Variants in LRRC8A observed in about 807,000 individuals in gnomAD.
LRRC8A encodes leucine rich repeat containing 8 VRAC subunit A.
LRRC8A carries 24 observed loss-of-function variants against 52.5 expected under a neutral mutation model. The ratio of observed to expected loss-of-function variants is 0.46; its 90% CI spans 0.33 to 0.64. The LOEUF is 0.64. Among genes scored for constraint, LRRC8A ranks in the 30% least tolerant of loss-of-function variants. LRRC8A has a pLI of 0.02. For missense variants in LRRC8A, 677 were observed against 1,094.7 expected (o/e 0.62, Z 5.38); for synonymous variants, 492 against 494.2 (o/e 1.00, Z 0.06).
intron 2 of LRRC8A, among the ~76,000 whole-genome samples, chr9:128,895,198 A>G (rs1189744455): frequency 6.6e-6 from 1 of 152,162 alleles, no homozygotes; most frequent in Non-Finnish European, 1.5e-5. Context: ...ATACACATCT[A>G]CAAGGAAGGT....
chr9:128,885,175 G>A (rs1839342612), intron 1 of LRRC8A: 1 of 152,264 alleles, frequency 6.6e-6, no homozygotes, highest in Non-Finnish European at 1.5e-5. Context: ...ACAGTGTCTG[G>A]CGCATATGGA....
chr9:128,907,991 T>C lies in LRRC8A; in HGVS notation c.827T>C (p.Ile276Thr), dbSNP rs1275434183. The C allele has an allele frequency of 6.2e-7, 1 of 1,613,922 alleles. No individual in the cohort carries two copies. Among genetic ancestry groups the C allele is most frequent in the Non-Finnish European group, 8.5e-7 (1 of 1,180,010 alleles). The change falls in exon 3 of 4, where the codon ATC becomes ACC. Residue 276 changes from isoleucine to threonine, a missense_variant. Coordinates refer to ENST00000372600, the MANE Select transcript of LRRC8A (RefSeq NM_019594.4). The surrounding 1 kb of genome is among the most constrained non-coding windows in gnomAD (Gnocchi z 9.3). ...RQTIIKVIKF[I>T]LIICYTVYYV... ...ACCATCATCAAGGTGATCAAGTTCATCCTCATCATCTGCTACACCGTCTAC... is the reference window on the plus strand; with the variant it reads ...ACCATCATCAAGGTGATCAAGTTCACCCTCATCATCTGCTACACCGTCTAC...
chr9:128,904,767 G>A (rs1258225180), intron 2 of LRRC8A, among the ~76,000 whole-genome samples: 1 of 151,926 alleles, frequency 6.6e-6, no homozygotes, highest in Admixed American at 6.6e-5. Flanking sequence ...GGCCAAGGCG[G>A]GCGGATCACA....
chr9:128,902,079 A>C lies in LRRC8A; in HGVS notation c.-8-5078A>C, dbSNP rs565758028. 6.6e-6 allele frequency among the ~76,000 whole-genome samples: 1 copy of C among 152,316 alleles called. No homozygotes were observed. Among genetic ancestry groups the C allele is most frequent in the African/African-American group, 2.4e-5 (1 of 41,588 alleles). The stretch of plus-strand genomic sequence containing the variant: ...CCAGGCCTGTGAGAGACTCCAGTCC[A>C]GGCCCTTCTCAGCTCTGCAGCCAGC... On this transcript the variant is annotated intron_variant, in intron 2 of 3. Transcript: ENST00000372600. The surrounding 1 kb of genome is among the most constrained non-coding windows in gnomAD (Gnocchi z 4.1).
In LRRC8A at chr9:128,909,200, C is replaced by A; in HGVS notation, c.2036C>A (p.Thr679Asn). 1 of 1,614,194 alleles carries A rather than the reference C, an allele frequency of 6.2e-7. No individual in the cohort carries two copies. The highest frequency in any genetic ancestry group is 1.3e-5 in the African/African-American group (1 of 75,058). ...LNRNKIEKIPTQLFYCRKLRY... is the reference protein window; with the variant it reads ...LNRNKIEKIPNQLFYCRKLRY... ...CGCAACAAGATCGAGAAGATCCCCACCCAGCTCTTCTACTGCCGCAAGCTG... is the reference window on the plus strand; with the variant it reads ...CGCAACAAGATCGAGAAGATCCCCAACCAGCTCTTCTACTGCCGCAAGCTG... Residue 679 changes from threonine (T) to asparagine (N), a missense_variant, in exon 3 of 4, where the codon ACC (threonine) becomes AAC (asparagine). By Grantham distance (65) the Thr-to-Asn change is moderately conservative. Coordinates refer to ENST00000372600, the MANE Select transcript of LRRC8A (RefSeq NM_019594.4).
intron 3 of LRRC8A, among the ~76,000 whole-genome samples, chr9:128,914,939 T>C (rs1172537481): frequency 6.6e-6 from 1 of 152,110 alleles, no homozygotes; most frequent in African/African-American, 2.4e-5. Flanking sequence ...GTGTGGACGG[T>C]TCACCAGAGC....
chr9:128,912,504 T>TG (rs577475761), intron 3 of LRRC8A, among the ~76,000 whole-genome samples: 96,993 of 105,600 alleles, frequency 0.92, 44,883 homozygotes, highest in Non-Finnish European at 0.99. Context: ...GGTGGGGCTA[T>TG]GGGGGGGGGT....
intron 2 of LRRC8A, among the ~76,000 whole-genome samples, chr9:128,896,344 A>AT (rs1460085219): frequency 6.6e-6 from 1 of 152,266 alleles, no homozygotes; most frequent in East Asian, 1.9e-4. Flanking sequence ...GTCATTTCTG[A>AT]TTTTTTGCTA....
At chr9:128,901,065 C>CCAGAGG (rs1219182088) in intron 2 of LRRC8A, among the ~76,000 whole-genome samples, 2 of 152,120 alleles carry the variant, frequency 1.3e-5, no homozygotes, top group Admixed American at 1.3e-4. Context: ...CCCAGCTACT[C>CCAGAGG]CAGAGGCAGA....
chr9:128,908,532 C>A lies in LRRC8A; in HGVS notation c.1368C>A (p.Ile456=). 1 of 1,612,860 alleles carries A rather than the reference C, an allele frequency of 6.2e-7. No homozygotes were observed. The highest frequency in any genetic ancestry group is 1.1e-5 in the South Asian group (1 of 91,054). Residue 456 remains isoleucine (I), a synonymous_variant, in exon 3 of 4, where the codon ATC becomes ATA. Transcript: ENST00000372600. The part of the protein sequence containing the change: ...VELEVLKLEL[I]PDVTIPPSIA... Reference sequence around the variant, plus strand: ...TGGAGGTCCTCAAGCTGGAGCTGATCCCCGACGTGACCATCCCGCCCAGCA... The same window carrying A: ...TGGAGGTCCTCAAGCTGGAGCTGATACCCGACGTGACCATCCCGCCCAGCA...
At chr9:128,903,664 T>C (rs371274049) in intron 2 of LRRC8A, among the ~76,000 whole-genome samples, 7 of 151,648 alleles carry the variant, frequency 4.6e-5, no homozygotes, top group East Asian at 2.0e-4. Flanking sequence ...CCGCCCGCCT[T>C]GGCCTCCCAA....
chr9:128,916,459 G>A lies in LRRC8A; in HGVS notation c.*88G>A, dbSNP rs377425028. On this transcript the variant is annotated 3_prime_UTR_variant, in exon 4 of 4. Coordinates refer to ENST00000372600, the MANE Select transcript of LRRC8A (RefSeq NM_019594.4). The surrounding 1 kb of genome is among the most constrained non-coding windows in gnomAD (Gnocchi z 6.1). ...AGGCCTAGCTTCTCCCAGAACTCCC[G>A]GACAGCCAGGACAGCCTCGTGGCTG... 1.2e-5 allele frequency: 18 copies of A among 1,445,118 alleles called. No individual in the cohort carries two copies. The highest frequency in any genetic ancestry group is 2.5e-4 in the Middle Eastern group (1 of 3,974). 89.5% of individuals were successfully genotyped at this position (1,445,118 alleles called of 1,614,324 possible).
chr9:128,906,356 CT>C (rs559974120), intron 2 of LRRC8A, among the ~76,000 whole-genome samples: 357 of 107,038 alleles, frequency 3.3e-3, no homozygotes, highest in African/African-American at 0.012. Context: ...GAGTTTCACT[CT>C]TGTCGCCCAG....
chr9:128,884,660 A>G (rs528977205), intron 1 of LRRC8A, among the ~76,000 whole-genome samples: 5 of 152,282 alleles, frequency 3.3e-5, no homozygotes, highest in Non-Finnish European at 7.4e-5. Flanking sequence ...GGACTAGAAT[A>G]ATTAGTGACA....
At chr9:128,884,845 C>G (rs1412036559) in intron 1 of LRRC8A, 1 of 152,288 alleles carries the variant, frequency 6.6e-6, no homozygotes, top group South Asian at 2.1e-4. Flanking sequence ...TCACCACCAC[C>G]CCGTATGGAA....
intron 3 of LRRC8A, among the ~76,000 whole-genome samples, chr9:128,915,791 C>A (rs1840787022): frequency 6.6e-6 from 1 of 152,096 alleles, no homozygotes; most frequent in Non-Finnish European, 1.5e-5. Flanking sequence ...GGGATCGAGG[C>A]AGGCAGGTCT....
At chr9:128,883,930 C>T (rs1438722771) in intron 1 of LRRC8A, among the ~76,000 whole-genome samples, 1 of 151,810 alleles carries the variant, frequency 6.6e-6, no homozygotes, top group Non-Finnish European at 1.5e-5. Context: ...GCCAAGATCG[C>T]GCCATTGCAC....
intron 2 of LRRC8A, among the ~76,000 whole-genome samples, chr9:128,887,934 G>GC (rs1427083865): frequency 1.3e-5 from 2 of 152,148 alleles, no homozygotes; most frequent in African/African-American, 4.8e-5. Context: ...GAGCCACCGC[G>GC]CCCGGCTCCC....
In LRRC8A at chr9:128,907,946, A is replaced by G; in HGVS notation, c.782A>G (p.Tyr261Cys). 1 of 1,614,102 alleles carries G rather than the reference A, an allele frequency of 6.2e-7. No homozygotes were observed. The highest frequency in any genetic ancestry group is 2.2e-5 in the East Asian group (1 of 44,872). ...CATGTGGAGGAGGGGGACATTGTGT[A>G]CCGCCTCTACATGCGGCAGACCATC... ...RTHVEEGDIV[Y>C]RLYMRQTIIK... The change falls in exon 3 of 4, where the codon TAC (tyrosine) becomes TGC (cysteine). Residue 261 changes from tyrosine (Y) to cysteine (C), a missense_variant. Physicochemically the swap from Tyr to Cys is radical, Grantham distance 194. Around this residue, in one of 4 missense-constraint regions of LRRC8A, gnomAD observed 422 missense variants for 741.5 expected, o/e 0.57. Transcript: ENST00000372600. The surrounding 1 kb of genome is among the most constrained non-coding windows in gnomAD (Gnocchi z 9.3).
Sources: allele counts gnomAD v4.1 joint callset (sites outside exome capture counted in the v4.1 genomes callset), GRCh38; gene constraint gnomAD v4.1.1; regional missense constraint gnomAD v4.1.1; non-coding constraint Gnocchi (gnomAD v3.1); transcripts MANE v1.5; gene names NCBI Gene and HGNC (gene_info 2026-07-23, HGNC 2026-07-21).